The following DOCK3 variants were observed in gnomAD, a reference collection of about 807,000 sequenced individuals.
The protein encoded by DOCK3 is dedicator of cytokinesis 3.
Under a neutral mutation model 265.6 loss-of-function variants are expected in DOCK3, and 60 were observed. That is an observed-to-expected ratio of 0.23 (90% CI 0.18 to 0.28). The LOEUF (loss-of-function observed/expected upper bound fraction) is 0.28. Among genes scored for constraint, DOCK3 ranks in the 10% least tolerant of loss-of-function variants. The pLI is 1.00. For synonymous variants in DOCK3, 881 were observed against 938.0 expected, an observed-to-expected ratio of 0.94 and a Z score of 1.11; for missense variants, 1,981 against 2,594.3, an observed-to-expected ratio of 0.76 and a Z score of 5.14.
chr3:50,972,127 A>C lies in DOCK3; in HGVS notation c.315+38050A>C, dbSNP rs1385220130. On this transcript the variant is annotated intron_variant, in intron 5 of 52. Coordinates refer to ENST00000266037, the MANE Select transcript of DOCK3 (RefSeq NM_004947.5). ...TCTTCTTTGTGGAACTTCCTCCCTC[A>C]TCCCAAAGCACACAGCTCTGTGGTT... is the stretch of plus-strand genomic sequence containing the variant. Among the ~76,000 whole-genome samples the C allele has an allele frequency of 3.3e-5, 5 of 152,180 alleles. 1 individual carries two copies. Among genetic ancestry groups the C allele is most frequent in the Admixed American group, 3.3e-4 (5 of 15,288 alleles).
Position 51,381,721 on chromosome 3 carries a change from T to A in DOCK3, c.*162T>A. The stretch of plus-strand genomic sequence containing the variant: ...CGTTCTACTGCCGTGAACTCATGTG[T>A]TGCCATGTACAGAGGCCACAGCAGC... On this transcript the variant is annotated 3_prime_UTR_variant, in exon 53 of 53. Coordinates refer to ENST00000266037, the MANE Select transcript of DOCK3 (RefSeq NM_004947.5). This position sits in a 1 kb window ranked among gnomAD's most constrained non-coding sequence, Gnocchi z 5.6. The A allele has an allele frequency of 9.9e-7, 1 of 1,008,424 alleles. No individual in the cohort carries two copies. Among genetic ancestry groups the A allele is most frequent in the Non-Finnish European group, 1.4e-6 (1 of 719,252 alleles). The allele number at this position is 1,008,424 out of a possible 1,614,324, so 62.5% of individuals were successfully genotyped here.
chr3:50,710,973 G>A (rs571349904), intron 1 of DOCK3, among the ~76,000 whole-genome samples: 1 of 152,312 alleles, frequency 6.6e-6, no homozygotes, highest in African/African-American at 2.4e-5. Flanking sequence ...AAAGACATAA[G>A]AAGAGGGATA....
intron 3 of DOCK3, among the ~76,000 whole-genome samples, chr3:50,882,910 A>G (rs1483365921): frequency 6.6e-6 from 1 of 152,244 alleles, no homozygotes; most frequent in East Asian, 1.9e-4. Flanking sequence ...AATGTGGCAC[A>G]TATACACCAT....
At chr3:51,062,002 A>G (rs2081428478) in intron 5 of DOCK3, among the ~76,000 whole-genome samples, 1 of 152,122 alleles carries the variant, frequency 6.6e-6, no homozygotes, top group South Asian at 2.1e-4. Flanking sequence ...ACCTCTACCT[A>G]CAAAACATGT....
At chr3:51,253,106 A>G (rs1163921474) in intron 22 of DOCK3, among the ~76,000 whole-genome samples, 1 of 152,240 alleles carries the variant, frequency 6.6e-6, no homozygotes, top group Non-Finnish European at 1.5e-5. Context: ...ACTTTTCTGC[A>G]TCTATTGAGA....
chr3:51,064,631 T>G (rs1343927670), intron 6 of DOCK3, 35 bp downstream of exon 6: 3 of 1,606,258 alleles, frequency 1.9e-6, no homozygotes, highest in Non-Finnish European at 2.6e-6. Context: ...TCTCTCAGTT[T>G]CATTTATGAT....
intron 20 of DOCK3, among the ~76,000 whole-genome samples, chr3:51,237,282 G>T (rs773462978): frequency 5.1e-4 from 77 of 152,316 alleles, no homozygotes; most frequent in African/African-American, 1.8e-3. Flanking sequence ...ATGAGCCCGG[G>T]TCTGAATTAG....
In DOCK3 at chr3:51,374,350, A is replaced by C. The variant is rs1343979678; in HGVS notation, c.5294-119A>C. The C allele has an allele frequency of 3.4e-6, 3 of 885,082 alleles. No individual in the cohort carries two copies. The highest frequency in any genetic ancestry group is 1.7e-5 in the African/African-American group (1 of 60,240). The allele number at this position is 885,082 out of a possible 1,614,324, so 54.8% of individuals were successfully genotyped here. On this transcript the variant is annotated intron_variant, in intron 49 of 52. Transcript: ENST00000266037. The surrounding 1 kb of genome is among the most constrained non-coding windows in gnomAD (Gnocchi z 4.8). ...CATTCCTCCTGTGCTTGCTGAGTTC[A>C]TCCTCACCCTAACTGTAAGGGACAC... is the stretch of plus-strand genomic sequence containing the variant.
chr3:51,019,297 G>A (rs1274317117), intron 5 of DOCK3, among the ~76,000 whole-genome samples: 1 of 151,782 alleles, frequency 6.6e-6, no homozygotes, highest in African/African-American at 2.4e-5. Flanking sequence ...TTTAGTCATG[G>A]AAATATGGGA....
At chr3:51,244,424 G>C (rs1374024283) in intron 21 of DOCK3, among the ~76,000 whole-genome samples, 1 of 151,936 alleles carries the variant, frequency 6.6e-6, no homozygotes, top group African/African-American at 2.4e-5. Context: ...TGTATCCTAA[G>C]TATTTTATTC....
chr3:50,841,381 C>T (rs1349949400), intron 2 of DOCK3, among the ~76,000 whole-genome samples: 1 of 152,156 alleles, frequency 6.6e-6, no homozygotes, highest in East Asian at 1.9e-4. Context: ...TGCCCCAACA[C>T]CTTTATGTAG....
At chr3:51,317,265 C>CAA (rs145412899) in intron 32 of DOCK3, among the ~76,000 whole-genome samples, 1 of 99,046 alleles carries the variant, frequency 1.0e-5, no homozygotes, top group East Asian at 2.6e-4. Flanking sequence ...AACCAATTGC[C>CAA]AAAAAAAAAA....
intron 1 of DOCK3, among the ~76,000 whole-genome samples, chr3:50,736,897 C>T (rs951867264): frequency 1.4e-4 from 22 of 151,844 alleles, no homozygotes; most frequent in Admixed American, 1.2e-3. Context: ...GGGGTTTCAC[C>T]GTGTTAGGAT....
intron 10 of DOCK3, among the ~76,000 whole-genome samples, chr3:51,149,040 C>T (rs2085441118): frequency 6.6e-6 from 1 of 152,156 alleles, no homozygotes; most frequent in Admixed American, 6.5e-5. Context: ...TTGTAATTCT[C>T]CTTGAAGAGG....
At chr3:51,007,812 G>A (rs1294933268) in intron 5 of DOCK3, among the ~76,000 whole-genome samples, 1 of 152,120 alleles carries the variant, frequency 6.6e-6, no homozygotes. Flanking sequence ...GTGTAAGGAA[G>A]GGCTCCAGTT....
In DOCK3 at chr3:51,052,210, A is replaced by T. The variant is rs566710150; in HGVS notation, c.316-12238A>T. Among the ~76,000 whole-genome samples, 5 of 152,262 alleles carry T rather than the reference A, an allele frequency of 3.3e-5. No homozygotes were observed. The South Asian group carries it at 1.0e-3, about 32-fold the overall frequency. ...TCAGTAGGTAAGACAGAGTCATTTAAAAGGACTAGAGTAGGCTGGGTGCAG... is the reference window on the plus strand; with the variant it reads ...TCAGTAGGTAAGACAGAGTCATTTATAAGGACTAGAGTAGGCTGGGTGCAG... On this transcript the variant is annotated intron_variant, in intron 5 of 52. Coordinates refer to ENST00000266037, the MANE Select transcript of DOCK3 (RefSeq NM_004947.5).
At chr3:50,778,830 A>C in intron 2 of DOCK3, 72 bp downstream of exon 2, 1 of 1,054,588 alleles carries the variant, frequency 9.5e-7, no homozygotes, top group Non-Finnish European at 1.4e-6. Flanking sequence ...ATTTTGTGCT[A>C]ATAAGATTAT....
At chr3:51,343,213 A>G (rs1340732163) in intron 38 of DOCK3, among the ~76,000 whole-genome samples, 1 of 152,222 alleles carries the variant, frequency 6.6e-6, no homozygotes, top group African/African-American at 2.4e-5. Context: ...GAAAGAAAGG[A>G]GGAGCAGGTA....
At chr3:51,069,745 G>A (rs1013489945) in intron 6 of DOCK3, among the ~76,000 whole-genome samples, 1 of 151,874 alleles carries the variant, frequency 6.6e-6, no homozygotes, top group Non-Finnish European at 1.5e-5. Context: ...TCTCATCAAG[G>A]GAATTGATTT....
Sources: gnomAD v4.1 joint callset for allele counts (sites outside exome capture counted in the v4.1 genomes callset) on GRCh38, gnomAD v4.1.1 for gene constraint, Gnocchi (gnomAD v3.1) non-coding constraint, MANE v1.5 for transcripts, NCBI Gene and HGNC (gene_info 2026-07-23, HGNC 2026-07-21) for gene names.